Variants in METTL15 observed in about 807,000 individuals in gnomAD.
METTL15 encodes 12S rRNA N(4)-cytidine methyltransferase METTL15.
Under a neutral mutation model 38.3 loss-of-function variants are expected in METTL15, and 34 were observed. That is an observed-to-expected ratio of 0.89 (90% CI 0.68 to 1.18). The LOEUF is 1.18. METTL15 is among the 50% of genes most tolerant of loss of function. The pLI, the probability that METTL15 is intolerant of heterozygous loss-of-function variation, is 0.00. For missense variants in METTL15, 438 were observed against 498.4 expected (o/e 0.88, Z 1.15); for synonymous variants, 162 against 170.9 (o/e 0.95, Z 0.41).
chr11:28,146,958 G>A (rs1744304556), intron 3 of METTL15, among the ~76,000 whole-genome samples: 1 of 151,870 alleles, frequency 6.6e-6, no homozygotes, highest in Admixed American at 6.6e-5. Context: ...ATTTTGCAAA[G>A]AGGGATTGAT....
rs760757193 is a variant in METTL15, at chr11:28,293,326, T to A, written c.599+2929T>A. The stretch of plus-strand genomic sequence containing the variant: ...ATTAAACAGGGAATCCTTTCCCCAT[T>A]TCTTGTTTTTGTCAGGTTTGTCAAA... On this transcript the variant is annotated intron_variant, in intron 5 of 6. Coordinates refer to ENST00000407364, the MANE Select transcript of METTL15 (RefSeq NM_001113528.2). Among the ~76,000 whole-genome samples, 4 of 152,346 alleles carry A rather than the reference T, an allele frequency of 2.6e-5. No individual in the cohort carries two copies. In the South Asian group the frequency reaches 6.2e-4, roughly 24 times the overall value.
chr11:28,228,768 C>T (rs1373527604), intron 4 of METTL15, among the ~76,000 whole-genome samples: 2 of 151,880 alleles, frequency 1.3e-5, no homozygotes, highest in Non-Finnish European at 2.9e-5. Context: ...AAAACTATGT[C>T]TAACATGTCA....
In METTL15 at chr11:28,485,112, TACACAC is replaced by T. The variant is rs33941898; in HGVS notation, c.*425-41343_*425-41338del. On this transcript the variant is annotated intron_variant and NMD_transcript_variant, in intron 6 of 7. Coordinates refer to the METTL15 transcript ENST00000532947. ...CATCCCACAATCCAAAATGAAGTTT[TACACAC>T]ACACACACACACACACACACACTCA... is the stretch of plus-strand genomic sequence containing the variant. 8.7e-5 allele frequency among the ~76,000 whole-genome samples: 13 copies of T among 148,850 alleles called. No individual in the cohort carries two copies. The East Asian group carries it at 1.0e-3, about 11-fold the overall frequency.
intron 6 of METTL15, among the ~76,000 whole-genome samples, chr11:28,511,862 A>C (rs867510655): frequency 1.4e-4 from 22 of 152,144 alleles, no homozygotes; most frequent in South Asian, 2.1e-4. Flanking sequence ...GCCTGCTTTT[A>C]TTCTCTTATC....
chr11:28,179,024 GT>G, intron 3 of METTL15, among the ~76,000 whole-genome samples: 1 of 151,692 alleles, frequency 6.6e-6, no homozygotes, highest in South Asian at 2.1e-4. Flanking sequence ...TTTGTAATCT[GT>G]TATTTTTACC....
chr11:28,337,494 G>A (rs1454702022), downstream of METTL15, among the ~76,000 whole-genome samples: 1 of 151,938 alleles, frequency 6.6e-6, no homozygotes, highest in African/African-American at 2.4e-5. Flanking sequence ...AGGACTATAG[G>A]TGCAAGTCAC....
At chr11:28,519,515 A>G (rs1238308150) in intron 6 of METTL15, among the ~76,000 whole-genome samples, 1 of 151,862 alleles carries the variant, frequency 6.6e-6, no homozygotes, top group Non-Finnish European at 1.5e-5. Context: ...AGATTACGCC[A>G]CTGCACTCCA....
At position 28,512,332 on chromosome 11, in the gene METTL15, C is replaced by T. The variant is rs545934139; in HGVS notation, c.*425-14146C>T. ...GCCTGCCATTCCCACGCAGTGCGCC[C>T]GCACTCCTCAGCCCTTGGGTGGTTG... On this transcript the variant is annotated intron_variant and NMD_transcript_variant, in intron 6 of 7. Coordinates refer to the METTL15 transcript ENST00000532947. Among the ~76,000 whole-genome samples, 40 of 152,318 alleles carry T rather than the reference C, an allele frequency of 2.6e-4. No individual in the cohort carries two copies. The South Asian group carries it at 6.2e-3, about 24-fold the overall frequency.
rs115946455 is a variant in METTL15 at position 28,273,050 on chromosome 11, A to G, written c.408-17156A>G. Among the ~76,000 whole-genome samples, 752 of 152,326 alleles carry G rather than the reference A, an allele frequency of 4.9e-3. 7 individuals carry two copies. Among genetic ancestry groups the G allele is most frequent in the African/African-American group, 0.016 (679 of 41,570 alleles). On this transcript the variant is annotated intron_variant, in intron 4 of 6. Transcript: ENST00000407364. ...ACATTATATAATTTATAGGATTGTG[A>G]TACAGGTCAAAATATGATCATCTCT... is the stretch of plus-strand genomic sequence containing the variant.
At chr11:28,504,994 C>A (rs879802092) in intron 6 of METTL15, among the ~76,000 whole-genome samples, 3 of 152,094 alleles carry the variant, frequency 2.0e-5, no homozygotes, top group Non-Finnish European at 4.4e-5. Context: ...GTTTGACATG[C>A]GTTAATTACA....
chr11:28,318,892 C>T (rs1849362404), intron 6 of METTL15, among the ~76,000 whole-genome samples: 1 of 152,144 alleles, frequency 6.6e-6, no homozygotes, highest in African/African-American at 2.4e-5. Context: ...GCAACTGATT[C>T]TTTTTTAAAC....
At position 28,226,684 on chromosome 11, in the gene METTL15, G is replaced by C. The variant is rs1055722094; in HGVS notation, c.407+15486G>C. Among the ~76,000 whole-genome samples, 24 of 151,850 alleles carry C rather than the reference G, an allele frequency of 1.6e-4. 1 individual carries two copies. Among genetic ancestry groups the C allele is most frequent in the African/African-American group, 5.8e-4 (24 of 41,386 alleles). On this transcript the variant is annotated intron_variant, in intron 4 of 6. Transcript: ENST00000407364. Reference sequence around the variant, plus strand: ...ACACCACTACAATATTATTCAAGAAGCAATTTAGTCACATTGTTGAACAGA... The same window carrying C: ...ACACCACTACAATATTATTCAAGAACCAATTTAGTCACATTGTTGAACAGA...
At chr11:28,161,077 A>G (rs535260095) in intron 3 of METTL15, among the ~76,000 whole-genome samples, 1 of 151,434 alleles carries the variant, frequency 6.6e-6, no homozygotes, top group South Asian at 2.1e-4. Context: ...ATGAAAGATG[A>G]CAGTGATATA....
chr11:28,496,696 A>G (rs1229554373), intron 6 of METTL15, among the ~76,000 whole-genome samples: 1 of 152,198 alleles, frequency 6.6e-6, no homozygotes, highest in Non-Finnish European at 1.5e-5. Flanking sequence ...ACGAAACCCA[A>G]TAGACTCTAT....
chr11:28,230,440 G>T (rs1359627803), intron 4 of METTL15, among the ~76,000 whole-genome samples: 1 of 151,828 alleles, frequency 6.6e-6, no homozygotes, highest in African/African-American at 2.4e-5. Flanking sequence ...CATTTTTATT[G>T]CCTACGTCAT....
chr11:28,374,194 C>G (rs1564910509), intron 5 of METTL15, among the ~76,000 whole-genome samples: 1 of 152,106 alleles, frequency 6.6e-6, no homozygotes, highest in African/African-American at 2.4e-5. Context: ...TTTTCCAATT[C>G]TGTGAAGAAA....
At chr11:28,336,792 C>A (rs1214272429), downstream of METTL15, among the ~76,000 whole-genome samples, 3 of 152,102 alleles carry the variant, frequency 2.0e-5, no homozygotes, top group Non-Finnish European at 2.9e-5. Context: ...GGCTATGTTT[C>A]TTTTTTATGT....
chr11:28,310,351 T>TAAACAC (rs1555032016), intron 6 of METTL15, among the ~76,000 whole-genome samples: 1 of 147,060 alleles, frequency 6.8e-6, no homozygotes, highest in Non-Finnish European at 1.5e-5. Context: ...TGTTCAGAGG[T>TAAACAC]ACACACACAC....
chr11:28,322,833 A>G (rs1046837771), intron 6 of METTL15, among the ~76,000 whole-genome samples: 1 of 152,202 alleles, frequency 6.6e-6, no homozygotes, highest in Admixed American at 6.5e-5. Flanking sequence ...CTGCGGTGAC[A>G]ATGTGAGCTC....
Sources: allele counts gnomAD v4.1 joint callset (sites outside exome capture counted in the v4.1 genomes callset), GRCh38; gene constraint gnomAD v4.1.1; transcripts MANE v1.5; gene names NCBI Gene and HGNC (gene_info 2026-07-23, HGNC 2026-07-21).